Variants in ASIC2 observed in about 807,000 individuals in gnomAD.
The protein encoded by ASIC2 is acid-sensing ion channel 2.
In ASIC2, 25 loss-of-function variants were observed where a neutral mutation model predicts 57.3. The observed-to-expected ratio is 0.44, with a 90% confidence interval of 0.32 to 0.61. The LOEUF (loss-of-function observed/expected upper bound fraction) is 0.61, where lower values mean the gene tolerates loss of function less well. Ranked by LOEUF, ASIC2 falls within the 20% of genes least tolerant of loss-of-function variation. ASIC2 has a pLI of 0.06. For synonymous variants in ASIC2, 319 were observed against 307.5 expected, an observed-to-expected ratio of 1.04 and a Z score of -0.39; for missense variants, 641 against 738.1, an observed-to-expected ratio of 0.87 and a Z score of 1.52.
intron 1 of ASIC2, among the ~76,000 whole-genome samples, chr17:34,081,199 G>A (rs1177797817): frequency 3.3e-5 from 5 of 152,254 alleles, no homozygotes; most frequent in Non-Finnish European, 5.9e-5. Context: ...TACTAAATTA[G>A]AGCCTAGGGG....
At chr17:34,140,627 T>C (rs915897296) in intron 1 of ASIC2, among the ~76,000 whole-genome samples, 1 of 152,114 alleles carries the variant, frequency 6.6e-6, no homozygotes, top group Non-Finnish European at 1.5e-5. Flanking sequence ...CAGGGAAATG[T>C]CAAAAGCACA....
chr17:33,333,930 A>C (rs1299797349), intron 1 of ASIC2, among the ~76,000 whole-genome samples: 1 of 152,238 alleles, frequency 6.6e-6, no homozygotes, highest in African/African-American at 2.4e-5. Flanking sequence ...TTAAACAAAA[A>C]GCCAGTTTGT....
At chr17:33,632,948 G>T (rs1459282579) in intron 1 of ASIC2, among the ~76,000 whole-genome samples, 2 of 152,196 alleles carry the variant, frequency 1.3e-5, no homozygotes, top group Non-Finnish European at 2.9e-5. Context: ...TTGATAACTT[G>T]AGCAGAAAGC....
chr17:33,306,818 A>G (rs1206435231), intron 1 of ASIC2, among the ~76,000 whole-genome samples: 2 of 152,010 alleles, frequency 1.3e-5, no homozygotes, highest in South Asian at 2.1e-4. Flanking sequence ...CTTACTGTAC[A>G]CATTCATAAT....
At chr17:33,893,343 G>A (rs1445220002) in intron 1 of ASIC2, among the ~76,000 whole-genome samples, 3 of 152,220 alleles carry the variant, frequency 2.0e-5, no homozygotes, top group Non-Finnish European at 2.9e-5. Context: ...TGGGCCCTGA[G>A]CCTGGAGTTC....
chr17:34,106,813 A>C (rs1367152840), intron 1 of ASIC2, among the ~76,000 whole-genome samples: 1 of 152,044 alleles, frequency 6.6e-6, no homozygotes, highest in African/African-American at 2.4e-5. Context: ...TTCATCTTTT[A>C]CCCCAGTTCC....
At chr17:33,504,667 T>C (rs1296407629) in intron 1 of ASIC2, among the ~76,000 whole-genome samples, 1 of 152,188 alleles carries the variant, frequency 6.6e-6, no homozygotes, top group African/African-American at 2.4e-5. Flanking sequence ...ATCTTTTTAA[T>C]GTACTTGTTG....
chr17:33,200,949 C>G (rs1906833911), intron 1 of ASIC2, among the ~76,000 whole-genome samples: 1 of 152,114 alleles, frequency 6.6e-6, no homozygotes, highest in East Asian at 1.9e-4. Context: ...GCTGCAGGGC[C>G]TTTGCATTGG....
At chr17:33,580,508 T>C (rs1038938953) in intron 1 of ASIC2, among the ~76,000 whole-genome samples, 3 of 152,142 alleles carry the variant, frequency 2.0e-5, no homozygotes, top group Non-Finnish European at 4.4e-5. Flanking sequence ...ACTAGGCAAA[T>C]TGGATGATGG....
intron 2 of ASIC2, among the ~76,000 whole-genome samples, chr17:33,104,687 A>G (rs140703123): frequency 6.6e-5 from 10 of 152,314 alleles, no homozygotes; most frequent in Middle Eastern, 3.4e-3. Flanking sequence ...CTATCATTAT[A>G]TGCCATTCTC....
chr17:33,312,675 C>G (rs1906481032), intron 1 of ASIC2, among the ~76,000 whole-genome samples: 3 of 152,184 alleles, frequency 2.0e-5, no homozygotes, highest in Non-Finnish European at 2.9e-5. Flanking sequence ...TGGCTCATGC[C>G]TGTAATCCCA....
chr17:33,619,435 T>C (rs144657570), intron 1 of ASIC2, among the ~76,000 whole-genome samples: 119 of 152,272 alleles, frequency 7.8e-4, no homozygotes, highest in African/African-American at 2.8e-3. Context: ...AAGTGCAACA[T>C]CTGAGGTAGC....
intron 1 of ASIC2, among the ~76,000 whole-genome samples, chr17:33,448,575 G>T (rs970121151): frequency 6.6e-6 from 1 of 152,192 alleles, no homozygotes; most frequent in Non-Finnish European, 1.5e-5. Context: ...AAGCCAAGGG[G>T]TGCTGGCAGC....
intron 3 of ASIC2, among the ~76,000 whole-genome samples, chr17:33,069,112 G>C (rs2092056766): frequency 6.6e-6 from 1 of 152,054 alleles, no homozygotes; most frequent in South Asian, 2.1e-4. Flanking sequence ...ATTTAGAAGT[G>C]TGTTATTTTG....
intron 1 of ASIC2, among the ~76,000 whole-genome samples, chr17:33,359,094 G>A (rs1034678537): frequency 8.5e-5 from 13 of 152,228 alleles, no homozygotes; most frequent in African/African-American, 3.1e-4. Flanking sequence ...AGTTGGGAGA[G>A]AGATGATCTA....
intron 1 of ASIC2, among the ~76,000 whole-genome samples, chr17:33,841,935 A>T (rs1208265015): frequency 6.6e-6 from 1 of 152,150 alleles, no homozygotes; most frequent in East Asian, 1.9e-4. Context: ...CGCCTTATAT[A>T]CGGAGAATGT....
intron 1 of ASIC2, among the ~76,000 whole-genome samples, chr17:33,385,095 GC>G (rs1909625421): frequency 6.6e-6 from 1 of 152,210 alleles, no homozygotes; most frequent in South Asian, 2.1e-4. Context: ...AACAATACCT[GC>G]CTCATACTTT....
chr17:33,027,776 C>T (rs1190670344), intron 4 of ASIC2, among the ~76,000 whole-genome samples: 1 of 152,240 alleles, frequency 6.6e-6, no homozygotes, highest in South Asian at 2.1e-4. Context: ...CATTGTTAGT[C>T]TGACAACAGA....
intron 1 of ASIC2, among the ~76,000 whole-genome samples, chr17:33,930,404 C>T (rs1207328084): frequency 6.6e-6 from 1 of 152,214 alleles, no homozygotes; most frequent in African/African-American, 2.4e-5. Flanking sequence ...CTGTGCCACC[C>T]TTTCACAACC....
Sources: gnomAD v4.1 joint callset for allele counts (sites outside exome capture counted in the v4.1 genomes callset) on GRCh38, gnomAD v4.1.1 for gene constraint, MANE v1.5 for transcripts, NCBI Gene and HGNC (gene_info 2026-07-23, HGNC 2026-07-21) for gene names.